The following CLCA4 variants were observed in gnomAD, a reference collection of about 807,000 sequenced individuals.
CLCA4 encodes chloride channel accessory 4.
CLCA4 carries 69 observed loss-of-function variants against 78.9 expected under a neutral mutation model. That is an observed-to-expected ratio of 0.87 (90% confidence interval 0.72 to 1.07). The LOEUF is 1.07. Ranked by LOEUF, CLCA4 falls within the 50% of genes least tolerant of loss-of-function variation. The pLI, the probability that CLCA4 is intolerant of heterozygous loss-of-function variation, is 0.00. For synonymous variants in CLCA4, 362 were observed against 375.8 expected (o/e 0.96, Z 0.42); for missense variants, 1,133 against 1,095.8 (o/e 1.03, Z -0.48).
chr1:86,561,779 C>T (rs1391144418), intron 3 of CLCA4, among the ~76,000 whole-genome samples: 2 of 152,042 alleles, frequency 1.3e-5, no homozygotes, highest in Non-Finnish European at 2.9e-5. Flanking sequence ...TTGATTTTTC[C>T]CGTATCCCAC....
intron 4 of CLCA4, 100 bp downstream of exon 4, chr1:86,563,869 G>T: frequency 1.8e-6 from 1 of 569,618 alleles, no homozygotes; most frequent in East Asian, 3.1e-5. Flanking sequence ...CAGACAATAT[G>T]TCACAAAACA....
At position 86,574,660 on chromosome 1, in the gene CLCA4, A is replaced by G; in HGVS notation, c.1588A>G (p.Ile530Val). 6.2e-7 allele frequency: 1 copy of G among 1,612,644 alleles called. No individual in the cohort carries two copies. The highest frequency in any genetic ancestry group is 8.5e-7 in the Non-Finnish European group (1 of 1,178,914). ...CACATGGAACAGTCTGCCTCCCAGT[A>G]TTTCTCTCTGGGATCCCAGTGGAAC... is the stretch of plus-strand genomic sequence containing the variant. ...LITWNSLPPSISLWDPSGTIM... is the reference protein window; with the variant it reads ...LITWNSLPPSVSLWDPSGTIM... The change falls in exon 10 of 14, where the codon ATT (isoleucine) becomes GTT (valine). Residue 530 changes from isoleucine to valine, a missense_variant. Transcript: ENST00000370563.
Position 86,571,122 on chromosome 1 carries a change from C to A in CLCA4, c.1228C>A (p.Leu410Met). The change falls in exon 8 of 14, where the codon CTG becomes ATG. Residue 410 changes from leucine (L) to methionine (M), a missense_variant. Transcript: ENST00000370563. ...CCAACTCGATGGATCCGAAGTACTG[C>A]TGCTGACTGATGGGGAGGATAACAC... is the stretch of plus-strand genomic sequence containing the variant. ...HSQLDGSEVL[L>M]LTDGEDNTAS... 6.2e-7 allele frequency: 1 copy of A among 1,612,578 alleles called. No homozygotes were observed.
At chr1:86,579,690 C>A in intron 13 of CLCA4, 103 bp downstream of exon 13, 1 of 853,344 alleles carries the variant, frequency 1.2e-6, no homozygotes, top group Non-Finnish European at 1.9e-6. Context: ...ATATTGACAG[C>A]CTAGCAAAGT....
chr1:86,554,535 G>T (rs1213666273), intron 1 of CLCA4, among the ~76,000 whole-genome samples: 1 of 152,146 alleles, frequency 6.6e-6, no homozygotes, highest in African/African-American at 2.4e-5. Context: ...AAGGTGCTGG[G>T]ATTACAGGTG....
chr1:86,551,998 A>C (rs540744924), intron 1 of CLCA4, among the ~76,000 whole-genome samples: 1 of 152,280 alleles, frequency 6.6e-6, no homozygotes, highest in African/African-American at 2.4e-5. Context: ...ATTTAAAGTA[A>C]AACATGATAC....
At chr1:86,573,769 T>A (rs1650427272) in intron 9 of CLCA4, among the ~76,000 whole-genome samples, 2 of 152,052 alleles carry the variant, frequency 1.3e-5, no homozygotes, top group African/African-American at 4.8e-5. Flanking sequence ...ATGATGATTA[T>A]AGTGAGAAGT....
intron 6 of CLCA4, 78 bp downstream of exon 6, chr1:86,566,098 G>C (rs1650183600): frequency 7.8e-7 from 1 of 1,282,840 alleles, no homozygotes; most frequent in Non-Finnish European, 1.1e-6. Flanking sequence ...TCTGCACCTA[G>C]ATTGTTCTAA....
chr1:86,560,043 A>C lies in CLCA4; in HGVS notation c.271A>C (p.Lys91Gln). 6.2e-7 allele frequency: 1 copy of C among 1,600,356 alleles called. No individual in the cohort carries two copies. The highest frequency in any genetic ancestry group is 8.5e-7 in the Non-Finnish European group (1 of 1,176,338). Residue 91 changes from lysine to glutamine, a missense_variant, in exon 2 of 14, where the codon AAA (lysine) becomes CAA (glutamine). By Grantham distance (53) the Lys-to-Gln change is moderately conservative. Coordinates refer to ENST00000370563, the MANE Select transcript of CLCA4 (RefSeq NM_012128.4). Reference protein sequence around the residue: ...PENWKENPQYKRPKHENHKHA... With the variant: ...PENWKENPQYQRPKHENHKHA... ...GAATTGGAAGGAAAATCCTCAGTAC[A>C]AAAGGCCAAAACATGAAAACCATAA...
chr1:86,563,896 T>A (rs1650097886), intron 4 of CLCA4, 127 bp downstream of exon 4: 2 of 509,942 alleles, frequency 3.9e-6, no homozygotes, highest in African/African-American at 4.0e-5. Context: ...TTATTTTTTT[T>A]TAGAAAGTGT....
At position 86,567,450 on chromosome 1, in the gene CLCA4, T is replaced by C; in HGVS notation, c.981T>C (p.Asn327=). 6.2e-7 allele frequency: 1 copy of C among 1,612,850 alleles called. No individual in the cohort carries two copies. Among genetic ancestry groups the C allele is most frequent in the Non-Finnish European group, 8.5e-7 (1 of 1,179,178 alleles). Residue 327 remains asparagine (N), a synonymous_variant, in exon 7 of 14, where the codon AAT becomes AAC. Coordinates refer to ENST00000370563, the MANE Select transcript of CLCA4 (RefSeq NM_012128.4). ...MGGKDRLNRM[N]QAAKHFLLQT... The stretch of plus-strand genomic sequence containing the variant: ...GTAAGGACCGCCTAAATCGAATGAA[T>C]CAAGCAGCAAAACATTTCCTGCTGC...
At chr1:86,553,010 C>T in intron 1 of CLCA4, 1 of 623,102 alleles carries the variant, frequency 1.6e-6, no homozygotes, top group South Asian at 1.9e-5. Context: ...AAGCCAGAGG[C>T]AGGACGTGCC....
At chr1:86,553,336 C>A in intron 1 of CLCA4, 1 of 625,696 alleles carries the variant, frequency 1.6e-6, no homozygotes, top group South Asian at 2.0e-5. Context: ...AGTCCTCGTG[C>A]AAACATTGTG....
At chr1:86,553,369 G>A in intron 1 of CLCA4, 1 of 543,784 alleles carries the variant, frequency 1.8e-6, no homozygotes. Context: ...CGGTTATCTG[G>A]GTCCTGCCGT....
At chr1:86,553,708 G>T (rs1277562317) in intron 1 of CLCA4, among the ~76,000 whole-genome samples, 1 of 152,210 alleles carries the variant, frequency 6.6e-6, no homozygotes, top group African/African-American at 2.4e-5. Flanking sequence ...GCTGAGGCGG[G>T]TGGATCACCT....
intron 1 of CLCA4, among the ~76,000 whole-genome samples, chr1:86,555,722 T>C (rs1558182133): frequency 6.6e-6 from 1 of 152,314 alleles, no homozygotes; most frequent in Non-Finnish European, 1.5e-5. Context: ...AGTTTTTTTC[T>C]AGTGGTGTGA....
chr1:86,574,434 C>T (rs562254933), intron 9 of CLCA4, 106 bp from the exon 10 acceptor site: 1 of 803,954 alleles, frequency 1.2e-6, no homozygotes, highest in Admixed American at 2.3e-5. Context: ...CTAAGGTGGT[C>T]TGCCATTTAT....
chr1:86,575,280 T>G (rs1438838801), intron 10 of CLCA4, 52 bp from the exon 11 acceptor site: 1 of 1,414,558 alleles, frequency 7.1e-7, no homozygotes, highest in Non-Finnish European at 9.8e-7. Context: ...AATGGAAATA[T>G]AGAAAGTAGC....
intron 7 of CLCA4, 37 bp from the exon 8 acceptor site, chr1:86,571,040 C>G: frequency 6.7e-7 from 1 of 1,492,104 alleles, no homozygotes; most frequent in Non-Finnish European, 9.2e-7. Context: ...GATCTAGGAA[C>G]ATCTGTTGGT....
Sources: allele counts gnomAD v4.1 joint callset (sites outside exome capture counted in the v4.1 genomes callset), GRCh38; gene constraint gnomAD v4.1.1; transcripts MANE v1.5; gene names NCBI Gene and HGNC (gene_info 2026-07-23, HGNC 2026-07-21).